The following HSD3B2 variants were observed in gnomAD, a reference collection of about 807,000 sequenced individuals.
The protein encoded by HSD3B2 is hydroxy-delta-5-steroid dehydrogenase, 3 beta- and steroid delta-isomerase 2.
Under a neutral mutation model 9.9 loss-of-function variants are expected in HSD3B2, and 8 were observed. That is an observed-to-expected ratio of 0.81 (90% confidence interval 0.47 to 1.46). HSD3B2 has a LOEUF of 1.46. Among genes scored for constraint, HSD3B2 ranks in the 40% most tolerant of loss-of-function variants. The pLI is 0.00. For missense variants in HSD3B2, 410 were observed against 448.3 expected, an observed-to-expected ratio of 0.91 and a Z score of 0.77; for synonymous variants, 221 against 184.5, an observed-to-expected ratio of 1.20 and a Z score of -1.60.
chr1:119,416,824 A>C lies in HSD3B2; in HGVS notation c.142+1263A>C, dbSNP rs149212683. Among the ~76,000 whole-genome samples, 3 of 152,310 alleles carry C rather than the reference A, an allele frequency of 2.0e-5. No homozygotes were observed. The East Asian group carries it at 5.8e-4, about 29-fold the overall frequency. On this transcript the variant is annotated intron_variant, in intron 2 of 3. Coordinates refer to ENST00000369416, the MANE Select transcript of HSD3B2 (RefSeq NM_000198.4). ...GATATTAACACATGACTGATATTAA[A>C]TGTTTGTAATCCTTATGTCTCAGCA...
Position 119,422,362 on chromosome 1 carries a change from A to T in HSD3B2, c.861A>T (p.Leu287Phe), listed in dbSNP as rs1651913429. The change falls in exon 4 of 4, where the codon TTA becomes TTT. Residue 287 changes from leucine (L) to phenylalanine (F), a missense_variant. By Grantham distance (22) the Leu-to-Phe change is conservative. Transcript: ENST00000369416. ...TTGATTCCAGATGGAGCCTTCCTTT[A>T]ACCCTGATGTACTGGATTGGCTTCC... is the stretch of plus-strand genomic sequence containing the variant. ...LRLDSRWSLP[L>F]TLMYWIGFLL... 6.2e-7 allele frequency: 1 copy of T among 1,614,164 alleles called. No individual in the cohort carries two copies. The highest frequency in any genetic ancestry group is 1.3e-5 in the African/African-American group (1 of 75,062).
At chr1:119,421,442 T>C (rs1570821603) in intron 3 of HSD3B2, among the ~76,000 whole-genome samples, 1 of 19,674 alleles carries the variant, frequency 5.1e-5, no homozygotes, top group Non-Finnish European at 7.4e-5. Context: ...TATATATATG[T>C]ATATATATAT....
rs1175922883 is a variant in HSD3B2, at chr1:119,419,545, C to T, written c.270C>T (p.Val90=). ...HTACIIDVFG[V]THRESIMNVN... ...CCTGTATCATTGATGTCTTTGGTGTCACTCACAGAGAGTCCATCATGAATG... is the reference window on the plus strand; with the variant it reads ...CCTGTATCATTGATGTCTTTGGTGTTACTCACAGAGAGTCCATCATGAATG... The change falls in exon 3 of 4, where the codon GTC becomes GTT. Residue 90 remains valine (V), a synonymous_variant. Coordinates refer to ENST00000369416, the MANE Select transcript of HSD3B2 (RefSeq NM_000198.4). 6.2e-7 allele frequency: 1 copy of T among 1,613,780 alleles called. No individual in the cohort carries two copies. The highest frequency in any genetic ancestry group is 8.5e-7 in the Non-Finnish European group (1 of 1,179,844).
chr1:119,418,330 C>A (rs1425377454), intron 2 of HSD3B2, among the ~76,000 whole-genome samples: 1 of 152,166 alleles, frequency 6.6e-6, no homozygotes, highest in Non-Finnish European at 1.5e-5. Context: ...CTCCCAGTTG[C>A]CCAAGCAGGA....
intron 2 of HSD3B2, chr1:119,417,622 G>C (rs1651745832): frequency 6.6e-6 from 1 of 152,168 alleles, no homozygotes; most frequent in Admixed American, 6.5e-5. Context: ...CAGTGGGAAG[G>C]GGCTGGGAGT....
Position 119,419,434 on chromosome 1 carries a change from C to T in HSD3B2, c.159C>T (p.Thr53=), listed in dbSNP as rs1570819751. 1 of 1,613,676 alleles carries T rather than the reference C, an allele frequency of 6.2e-7. No individual in the cohort carries two copies. Among genetic ancestry groups the T allele is most frequent in the Non-Finnish European group, 8.5e-7 (1 of 1,179,770 alleles). Residue 53 remains threonine (T), a synonymous_variant, in exon 3 of 4, where the codon ACC becomes ACT. Coordinates refer to ENST00000369416, the MANE Select transcript of HSD3B2 (RefSeq NM_000198.4). ...REEFSKLQNR[T]KLTVLEGDIL... Reference sequence around the variant, plus strand: ...TTCACACAGAGCTCCAGAACAGGACCAAGCTGACTGTACTTGAAGGAGACA... The same window carrying T: ...TTCACACAGAGCTCCAGAACAGGACTAAGCTGACTGTACTTGAAGGAGACA...
In HSD3B2 at chr1:119,422,721, G is replaced by A; in HGVS notation, c.*101G>A. 2 of 1,384,126 alleles carry A rather than the reference G, an allele frequency of 1.4e-6. No individual in the cohort carries two copies. Among genetic ancestry groups the A allele is most frequent in the East Asian group, 4.8e-5 (2 of 41,350 alleles). 85.7% of individuals were successfully genotyped at this position (1,384,126 alleles called of 1,614,324 possible). Reference sequence around the variant, plus strand: ...GAAGGCAACAGGGGCACAAGCCCAGGTCCTGCTGCCTCTCTTTCACACAAT... The same window carrying A: ...GAAGGCAACAGGGGCACAAGCCCAGATCCTGCTGCCTCTCTTTCACACAAT... On this transcript the variant is annotated 3_prime_UTR_variant, in exon 4 of 4. Transcript: ENST00000369416.
chr1:119,422,370 T>G lies in HSD3B2; in HGVS notation c.869T>G (p.Met290Arg). ...DSRWSLPLTL[M>R]YWIGFLLEVV... Reference sequence around the variant, plus strand: ...AGATGGAGCCTTCCTTTAACCCTGATGTACTGGATTGGCTTCCTGCTGGAA... The same window carrying G: ...AGATGGAGCCTTCCTTTAACCCTGAGGTACTGGATTGGCTTCCTGCTGGAA... Residue 290 changes from methionine (M) to arginine (R), a missense_variant, in exon 4 of 4, where the codon ATG (methionine) becomes AGG (arginine). Met to Arg is a moderately conservative substitution (Grantham distance 91). Coordinates refer to ENST00000369416, the MANE Select transcript of HSD3B2 (RefSeq NM_000198.4). 1.2e-6 allele frequency: 2 copies of G among 1,614,160 alleles called. No homozygotes were observed. The highest frequency in any genetic ancestry group is 1.7e-4 in the Middle Eastern group (1 of 6,060).
intron 2 of HSD3B2, among the ~76,000 whole-genome samples, chr1:119,416,228 C>A (rs1390718547): frequency 6.6e-6 from 1 of 152,008 alleles, no homozygotes; most frequent in Non-Finnish European, 1.5e-5. Flanking sequence ...AGAGAGCATG[C>A]ACAAGTGCAC....
In HSD3B2 at chr1:119,422,895, TCTTAA is replaced by T. The variant is rs369148049; in HGVS notation, c.*279_*283del. The stretch of plus-strand genomic sequence containing the variant: ...GCTGATTCTGAACAATTGTGGTCTC[TCTTAA>T]CTTGAGGTTCTCTTTTGACTAATAG... On this transcript the variant is annotated 3_prime_UTR_variant, in exon 4 of 4. Coordinates refer to ENST00000369416, the MANE Select transcript of HSD3B2 (RefSeq NM_000198.4). 3 of 547,054 alleles carry T rather than the reference TCTTAA, an allele frequency of 5.5e-6. No individual in the cohort carries two copies. Among genetic ancestry groups the T allele is most frequent in the African/African-American group, 3.8e-5 (2 of 53,214 alleles). The allele number at this position is 547,054 out of a possible 1,614,324, so 33.9% of individuals were successfully genotyped here. A position where few individuals can be genotyped will look rare whatever the true frequency, so the allele number is the denominator to read the frequency against.
intron 3 of HSD3B2, among the ~76,000 whole-genome samples, chr1:119,421,413 A>G (rs1275069063): frequency 3.0e-5 from 1 of 32,894 alleles, no homozygotes; most frequent in African/African-American, 1.9e-4. Flanking sequence ...GTATATATAT[A>G]TATGTATATA....
intron 3 of HSD3B2, among the ~76,000 whole-genome samples, chr1:119,420,904 G>A (rs1651839299): frequency 6.6e-6 from 1 of 152,086 alleles, no homozygotes; most frequent in African/African-American, 2.4e-5. Flanking sequence ...GCCAGGGCAG[G>A]ATTTAAAGGA....
Position 119,415,549 on chromosome 1 carries a change from G to C in HSD3B2, c.130G>C (p.Glu44Gln). Reference sequence around the variant, plus strand: ...CAAGGCCTTCAGACCAGAATTGAGAGAGGAATTTTCTAGTAAGTAAACTTG... The same window carrying C: ...CAAGGCCTTCAGACCAGAATTGAGACAGGAATTTTCTAGTAAGTAAACTTG... ...LDKAFRPELREEFSKLQNRTK... is the reference protein window; with the variant it reads ...LDKAFRPELRQEFSKLQNRTK... The change falls in exon 2 of 4, where the codon GAG becomes CAG. Residue 44 changes from glutamate to glutamine, a missense_variant. Physicochemically the swap from Glu to Gln is conservative, Grantham distance 29 (BLOSUM62 2). Transcript: ENST00000369416. The C allele has an allele frequency of 6.2e-7, 1 of 1,613,878 alleles. No individual in the cohort carries two copies. The highest frequency in any genetic ancestry group is 8.5e-7 in the Non-Finnish European group (1 of 1,179,832).
chr1:119,415,264 TA>T, intron 1 of HSD3B2, 62 bp downstream of exon 1: 1 of 741,158 alleles, frequency 1.3e-6, no homozygotes, highest in Non-Finnish European at 2.3e-6. Context: ...GGAATTTTTG[TA>T]AAAAATGGGG....
At chr1:119,421,094 G>A (rs1301399983) in intron 3 of HSD3B2, among the ~76,000 whole-genome samples, 1 of 151,920 alleles carries the variant, frequency 6.6e-6, no homozygotes, top group Non-Finnish European at 1.5e-5. Flanking sequence ...TTAATCCATT[G>A]CAAAATGAGA....
At chr1:119,419,740 C>T in intron 3 of HSD3B2, 158 bp downstream of exon 3, 1 of 737,224 alleles carries the variant, frequency 1.4e-6, no homozygotes. Context: ...AGGCTGGTAA[C>T]CTCAGTTTTT....
At chr1:119,419,313 C>G (rs939893926) in intron 2 of HSD3B2, 105 bp from the exon 3 acceptor site, 8 of 1,061,590 alleles carry the variant, frequency 7.5e-6, no homozygotes, top group Admixed American at 5.6e-5. Context: ...CACTCTAATA[C>G]CCACACTCTA....
chr1:119,418,617 T>A lies in HSD3B2; in HGVS notation c.143-801T>A, dbSNP rs72991465. Among the ~76,000 whole-genome samples the A allele has an allele frequency of 7.8e-4, 90 of 114,930 alleles. 1 individual carries two copies. Among genetic ancestry groups the A allele is most frequent in the African/African-American group, 1.9e-3 (58 of 30,354 alleles). 75.4% of individuals were successfully genotyped at this position (114,930 alleles called of 152,430 possible). A position where few individuals can be genotyped will look rare whatever the true frequency, so the allele number is the denominator to read the frequency against. On this transcript the variant is annotated intron_variant, in intron 2 of 3. Coordinates refer to ENST00000369416, the MANE Select transcript of HSD3B2 (RefSeq NM_000198.4). ...GCCACAACTCTGCGTCTGTTTATCT[T>A]TTATTATTATTACTATTATTATTAT...
chr1:119,421,741 AT>A lies in HSD3B2; in HGVS notation c.308-67del, dbSNP rs1373999089. 5 of 1,540,028 alleles carry A rather than the reference AT, an allele frequency of 3.2e-6. No individual in the cohort carries two copies. The East Asian group carries it at 1.1e-4, about 35-fold the overall frequency. ...TGGGAGTGGGGAGTGGGGCACATGG[AT>A]CTGTGCATGTGGTTGCAGCTCCTTT... On this transcript the variant is annotated intron_variant, in intron 3 of 3. Transcript: ENST00000369416.
Sources: gnomAD v4.1 joint callset for allele counts (sites outside exome capture counted in the v4.1 genomes callset) on GRCh38, gnomAD v4.1.1 for gene constraint, MANE v1.5 for transcripts, NCBI Gene and HGNC (gene_info 2026-07-23, HGNC 2026-07-21) for gene names.